PAK1: variants seen among roughly 807,000 people sequenced by gnomAD.
The protein encoded by PAK1 is serine/threonine-protein kinase PAK 1.
Under a neutral mutation model 67.4 loss-of-function variants are expected in PAK1, and 29 were observed. The ratio of observed to expected loss-of-function variants is 0.43; its 90% CI spans 0.32 to 0.59. The LOEUF (loss-of-function observed/expected upper bound fraction) is 0.59, where lower values mean the gene tolerates loss of function less well. Among genes scored for constraint, PAK1 ranks in the 20% least tolerant of loss-of-function variants. PAK1 has a pLI of 0.07. For missense variants in PAK1, 337 were observed against 670.7 expected, an observed-to-expected ratio of 0.50 and a Z score of 5.50; for synonymous variants, 223 against 237.4, an observed-to-expected ratio of 0.94 and a Z score of 0.56.
chr11:77,507,487 C>T, the PAK1 span, among the ~76,000 whole-genome samples: 10 of 152,232 alleles, frequency 6.6e-5, no homozygotes, highest in East Asian at 1.5e-3. Flanking sequence ...AACATGCCTT[C>T]TCAGATTCTT....
At chr11:77,444,351 T>C (rs892822021) in intron 1 of PAK1, among the ~76,000 whole-genome samples, 7 of 150,946 alleles carry the variant, frequency 4.6e-5, no homozygotes, top group Non-Finnish European at 8.8e-5. Context: ...CAAATTTAAC[T>C]TATTTGGTCC....
chr11:77,405,988 A>G (rs945842190), intron 1 of PAK1, among the ~76,000 whole-genome samples: 7 of 151,986 alleles, frequency 4.6e-5, no homozygotes, highest in African/African-American at 1.7e-4. Context: ...CAAATACTCT[A>G]CTTTCCTGTC....
chr11:77,326,186 C>T (rs938684825), intron 14 of PAK1, among the ~76,000 whole-genome samples: 12 of 152,136 alleles, frequency 7.9e-5, no homozygotes, highest in Non-Finnish European at 1.0e-4. Context: ...ACAAATGATG[C>T]GGCCTGCTAA....
At chr11:77,442,645 C>G (rs922090908) in intron 1 of PAK1, among the ~76,000 whole-genome samples, 2 of 152,220 alleles carry the variant, frequency 1.3e-5, no homozygotes, top group Admixed American at 1.3e-4. Context: ...CCCAGCCCAG[C>G]CACTCTAAGA....
upstream of PAK1, chr11:77,476,766 C>T (rs1202495720): frequency 6.6e-6 from 1 of 152,146 alleles, no homozygotes; most frequent in African/African-American, 2.4e-5. Context: ...GGGTGTATCA[C>T]CTGAGGTCAG....
chr11:77,446,511 C>CAA (rs56952838), intron 1 of PAK1, among the ~76,000 whole-genome samples: 761 of 59,426 alleles, frequency 0.013, 12 homozygotes, highest in African/African-American at 0.033. Context: ...GACCCTGTCT[C>CAA]AAAAAAAAAA....
the PAK1 span, among the ~76,000 whole-genome samples, chr11:77,494,106 C>G: frequency 6.6e-6 from 1 of 152,054 alleles, no homozygotes; most frequent in Non-Finnish European, 1.5e-5. Context: ...CCCTATGACC[C>G]AGCAAAACCA....
intron 1 of PAK1, among the ~76,000 whole-genome samples, chr11:77,464,470 G>C (rs1041856973): frequency 2.0e-5 from 3 of 152,160 alleles, no homozygotes; most frequent in African/African-American, 7.2e-5. Flanking sequence ...TGTAATCTTT[G>C]TAAGAGCAAG....
At chr11:77,443,461 T>C (rs901898702) in intron 1 of PAK1, among the ~76,000 whole-genome samples, 4 of 152,150 alleles carry the variant, frequency 2.6e-5, no homozygotes, top group Non-Finnish European at 5.9e-5. Context: ...CTTATCCAAC[T>C]GTAATGTAAG....
the PAK1 span, among the ~76,000 whole-genome samples, chr11:77,483,197 CAAAA>C: frequency 2.0e-5 from 2 of 102,156 alleles, no homozygotes; most frequent in Non-Finnish European, 1.9e-5. Flanking sequence ...GACTCCATCT[CAAAA>C]AAAAAAAAAA....
At chr11:77,342,766 C>T (rs892786816) in intron 10 of PAK1, among the ~76,000 whole-genome samples, 1 of 152,072 alleles carries the variant, frequency 6.6e-6, no homozygotes, top group African/African-American at 2.4e-5. Context: ...ATGAAATCTA[C>T]CAGTAACAGG....
chr11:77,384,709 G>A (rs1400254354), intron 2 of PAK1, among the ~76,000 whole-genome samples: 15 of 152,190 alleles, frequency 9.9e-5, no homozygotes. Flanking sequence ...CAAATCCATA[G>A]ACACAGAGTA....
At chr11:77,529,231 A>G in the PAK1 span, among the ~76,000 whole-genome samples, 819 of 152,356 alleles carry the variant, frequency 5.4e-3, 5 homozygotes, top group Non-Finnish European at 6.2e-3. Context: ...TCCTAAGACT[A>G]TCAGCATTCT....
chr11:77,365,566 C>T (rs1243285679), intron 5 of PAK1, among the ~76,000 whole-genome samples: 2 of 152,270 alleles, frequency 1.3e-5, no homozygotes, highest in Middle Eastern at 3.4e-3. Context: ...GGAGCGGTGG[C>T]TCATGCCTGT....
At chr11:77,327,473 C>T (rs1186111055) in intron 14 of PAK1, among the ~76,000 whole-genome samples, 3 of 152,110 alleles carry the variant, frequency 2.0e-5, no homozygotes, top group Non-Finnish European at 4.4e-5. Context: ...GAGTGGGGGC[C>T]AATATTCAAC....
At chr11:77,369,592 CA>C (rs1948138340) in intron 5 of PAK1, among the ~76,000 whole-genome samples, 1 of 151,490 alleles carries the variant, frequency 6.6e-6, no homozygotes, top group African/African-American at 2.4e-5. Context: ...GGATTACAGG[CA>C]TATACCCCCA....
rs183999515 is a variant in PAK1, at chr11:77,395,645, T to A, written c.-21-3104A>T. ...ACCCCAACGTGTTTCCTGTCAATGATTTCTCCCTTCTCTGACTGATAAAAA... is the reference window on the plus strand; with the variant it reads ...ACCCCAACGTGTTTCCTGTCAATGAATTCTCCCTTCTCTGACTGATAAAAA... On this transcript the variant is annotated intron_variant, in intron 1 of 14. Coordinates refer to ENST00000356341, the MANE Select transcript of PAK1 (RefSeq NM_002576.5). Among the ~76,000 whole-genome samples, 4 of 152,174 alleles carry A rather than the reference T, an allele frequency of 2.6e-5. No individual in the cohort carries two copies. The East Asian group carries it at 5.8e-4, about 22-fold the overall frequency.
At chr11:77,510,890 A>T in the PAK1 span, among the ~76,000 whole-genome samples, 1 of 152,132 alleles carries the variant, frequency 6.6e-6, no homozygotes, top group Non-Finnish European at 1.5e-5. Context: ...CCTCTGAGTG[A>T]TCTCCCCTTC....
the PAK1 span, among the ~76,000 whole-genome samples, chr11:77,520,656 G>C: frequency 6.6e-6 from 1 of 152,162 alleles, no homozygotes; most frequent in Non-Finnish European, 1.5e-5. Flanking sequence ...GTACTATGGA[G>C]ACACAATTAC....
Sources: gnomAD v4.1 joint callset for allele counts (sites outside exome capture counted in the v4.1 genomes callset) on GRCh38, gnomAD v4.1.1 for gene constraint, MANE v1.5 for transcripts, NCBI Gene and HGNC (gene_info 2026-07-23, HGNC 2026-07-21) for gene names.